The following KHDRBS2 variants were observed in gnomAD, a reference collection of about 807,000 sequenced individuals.
KHDRBS2 encodes KH RNA binding domain containing, signal transduction associated 2, also known as KH domain-containing, RNA-binding, signal transduction-associated protein 2.
KHDRBS2 carries 26 observed loss-of-function variants against 44.3 expected under a neutral mutation model. The ratio of observed to expected loss-of-function variants is 0.59; its 90% confidence interval spans 0.43 to 0.81. KHDRBS2 has a LOEUF of 0.81. Among genes scored for constraint, KHDRBS2 ranks in the 40% least tolerant of loss-of-function variants. The pLI is 0.00. For missense variants in KHDRBS2, 476 were observed against 433.1 expected (o/e 1.10, Z -0.88); for synonymous variants, 194 against 151.1 (o/e 1.28, Z -2.08).
intron 6 of KHDRBS2, 127 bp from the exon 7 acceptor site, chr6:61,732,891 C>T (rs1490016640): frequency 1.4e-5 from 9 of 636,128 alleles, no homozygotes; most frequent in Non-Finnish European, 2.6e-5. Context: ...ATCCATATAT[C>T]ACATTTTACT....
At chr6:61,875,764 G>T (rs1161575197) in intron 6 of KHDRBS2, among the ~76,000 whole-genome samples, 1 of 151,912 alleles carries the variant, frequency 6.6e-6, no homozygotes. Context: ...TATTCTTCAT[G>T]TCCATAATAG....
At chr6:61,717,398 T>C (rs1472535063) in intron 7 of KHDRBS2, among the ~76,000 whole-genome samples, 1 of 152,000 alleles carries the variant, frequency 6.6e-6, no homozygotes, top group Non-Finnish European at 1.5e-5. Flanking sequence ...TCTCATCCTG[T>C]GATGGTAAAT....
chr6:62,243,695 T>C (rs1243392526), intron 1 of KHDRBS2, among the ~76,000 whole-genome samples: 1 of 152,010 alleles, frequency 6.6e-6, no homozygotes, highest in East Asian at 1.9e-4. Context: ...AGGAAAAGCA[T>C]GGGTTTCAGT....
the KHDRBS2 span, among the ~76,000 whole-genome samples, chr6:61,621,637 C>G: frequency 6.6e-6 from 1 of 152,200 alleles, no homozygotes; most frequent in Non-Finnish European, 1.5e-5. Flanking sequence ...TATTTTTATA[C>G]TTGTGGTGAA....
At chr6:61,604,894 C>T in the KHDRBS2 span, among the ~76,000 whole-genome samples, 1 of 152,156 alleles carries the variant, frequency 6.6e-6, no homozygotes, top group African/African-American at 2.4e-5. Flanking sequence ...GCCTGGCCTT[C>T]CCACCTCTAT....
intron 2 of KHDRBS2, among the ~76,000 whole-genome samples, chr6:62,173,797 ATT>A: frequency 6.6e-6 from 1 of 152,038 alleles, no homozygotes; most frequent in Non-Finnish European, 1.5e-5. Flanking sequence ...ATTCACACAA[ATT>A]AAAATAAAAA....
intron 1 of KHDRBS2, among the ~76,000 whole-genome samples, chr6:62,229,740 G>A (rs1298599880): frequency 1.3e-5 from 2 of 152,092 alleles, no homozygotes; most frequent in Non-Finnish European, 2.9e-5. Flanking sequence ...TTGGCTGGGG[G>A]GTAGGGGCTC....
At chr6:61,861,513 A>G (rs1425037578) in intron 6 of KHDRBS2, among the ~76,000 whole-genome samples, 3 of 151,984 alleles carry the variant, frequency 2.0e-5, no homozygotes. Context: ...TGTCAAAGAT[A>G]TAATGGTTGT....
intron 4 of KHDRBS2, among the ~76,000 whole-genome samples, chr6:61,975,522 C>A (rs914042777): frequency 6.6e-6 from 1 of 152,056 alleles, no homozygotes; most frequent in African/African-American, 2.4e-5. Context: ...TCTGCTGATG[C>A]AAGCAAGGCA....
chr6:61,822,645 T>C (rs1790119098), intron 6 of KHDRBS2, among the ~76,000 whole-genome samples: 1 of 152,114 alleles, frequency 6.6e-6, no homozygotes, highest in African/African-American at 2.4e-5. Flanking sequence ...CTTATTTATT[T>C]ATGTGGCCCT....
chr6:62,026,877 A>AT (rs567848595), intron 3 of KHDRBS2, among the ~76,000 whole-genome samples: 61 of 151,964 alleles, frequency 4.0e-4, no homozygotes, highest in Non-Finnish European at 5.2e-4. Flanking sequence ...TTTCAGCCTA[A>AT]TTTTTTTTAT....
chr6:62,108,817 A>G (rs1562882584), intron 2 of KHDRBS2, among the ~76,000 whole-genome samples: 1 of 152,148 alleles, frequency 6.6e-6, no homozygotes, highest in Non-Finnish European at 1.5e-5. Flanking sequence ...GAAATTAGAA[A>G]TCATCAGTCT....
intron 1 of KHDRBS2, among the ~76,000 whole-genome samples, chr6:62,193,904 G>A (rs1825105074): frequency 6.6e-6 from 1 of 152,078 alleles, no homozygotes; most frequent in African/African-American, 2.4e-5. Context: ...CAAGTCAGCT[G>A]TCAATTTTTA....
chr6:61,826,701 T>TTAAAA (rs1295652687), intron 6 of KHDRBS2, among the ~76,000 whole-genome samples: 1 of 152,120 alleles, frequency 6.6e-6, no homozygotes, highest in Non-Finnish European at 1.5e-5. Flanking sequence ...CGTTGAGTGT[T>TTAAAA]TAAAATAATA....
the KHDRBS2 span, among the ~76,000 whole-genome samples, chr6:61,648,566 C>G: frequency 6.6e-6 from 1 of 152,206 alleles, no homozygotes; most frequent in Non-Finnish European, 1.5e-5. Context: ...GATGAACACA[C>G]GTTCTGCCTC....
chr6:62,199,028 A>C (rs1469988967), intron 1 of KHDRBS2, among the ~76,000 whole-genome samples: 1 of 152,206 alleles, frequency 6.6e-6, no homozygotes, highest in Non-Finnish European at 1.5e-5. Flanking sequence ...CGTTAGACAA[A>C]ATTCAACAGC....
chr6:61,682,839 AAACTGTTTTTGGTG>A (rs1766447316), intron 8 of KHDRBS2, among the ~76,000 whole-genome samples: 1 of 151,834 alleles, frequency 6.6e-6, no homozygotes, highest in Non-Finnish European at 1.5e-5. Flanking sequence ...GAACTAAATA[AAACTGTTTTTGGTG>A]TACTCAAAGG....
intron 1 of KHDRBS2, among the ~76,000 whole-genome samples, chr6:62,214,097 T>G (rs1426501245): frequency 6.6e-6 from 1 of 152,138 alleles, no homozygotes; most frequent in Non-Finnish European, 1.5e-5. Context: ...CAGGTCTCTC[T>G]GTATGTTCAA....
rs1562522437 is a variant in KHDRBS2 at position 61,955,709 on chromosome 6, CA to C, written c.483+22356del. Among the ~76,000 whole-genome samples, 28 of 89,944 alleles carry C rather than the reference CA, an allele frequency of 3.1e-4. 4 individuals carry two copies. The highest frequency in any genetic ancestry group is 7.4e-4 in the East Asian group (2 of 2,706). The allele number at this position is 89,944 out of a possible 152,430, so 59.0% of individuals were successfully genotyped here. On this transcript the variant is annotated intron_variant, in intron 4 of 8. Coordinates refer to ENST00000281156, the MANE Select transcript of KHDRBS2 (RefSeq NM_152688.4). The stretch of plus-strand genomic sequence containing the variant: ...GTATACATATATGTGTATATATACA[CA>C]TATGTATGTATACATATATAGACAG...
Sources: gnomAD v4.1 joint callset for allele counts (sites outside exome capture counted in the v4.1 genomes callset) on GRCh38, gnomAD v4.1.1 for gene constraint, MANE v1.5 for transcripts, NCBI Gene and HGNC (gene_info 2026-07-23, HGNC 2026-07-21) for gene names.